PCDHA7: variants seen among roughly 807,000 people sequenced by gnomAD.
The protein encoded by PCDHA7 is protocadherin alpha-7.
Under a neutral mutation model 57.2 loss-of-function variants are expected in PCDHA7, and 37 were observed. That is an observed-to-expected ratio of 0.65 (90% CI 0.50 to 0.85). The LOEUF (loss-of-function observed/expected upper bound fraction) is 0.85, where lower values mean the gene tolerates loss of function less well. PCDHA7 is among the 40% of genes least tolerant of loss of function. PCDHA7 has a pLI of 0.00. For synonymous variants in PCDHA7, 553 were observed against 558.8 expected, an observed-to-expected ratio of 0.99 and a Z score of 0.15; for missense variants, 1,188 against 1,241.8, an observed-to-expected ratio of 0.96 and a Z score of 0.65.
At chr5:140,927,505 G>T (rs782722913) in intron 1 of PCDHA7, 1 of 1,614,120 alleles carries the variant, frequency 6.2e-7, no homozygotes, top group East Asian at 2.2e-5. Flanking sequence ...GGTGCTTACA[G>T]CTCGGGACGG....
intron 1 of PCDHA7, chr5:140,847,464 C>A (rs2150400845): frequency 6.7e-6 from 1 of 149,754 alleles, no homozygotes; most frequent in Non-Finnish European, 1.5e-5. Context: ...AATTAATCGA[C>A]TTGGACGTTG....
rs2153432469 is a variant in PCDHA7, at chr5:140,890,949, A to C, written c.2355+54211A>C. On this transcript the variant is annotated intron_variant, in intron 1 of 3. Transcript: ENST00000525929. The stretch of plus-strand genomic sequence containing the variant: ...CTTTAGTCCAAAGATGCTGGTGAGG[A>C]ATGATTTCAGGTTTTGTTTTTCTGA... 2.0e-5 allele frequency among the ~76,000 whole-genome samples: 3 copies of C among 152,248 alleles called. No individual in the cohort carries two copies. The South Asian group carries it at 6.2e-4, about 32-fold the overall frequency.
chr5:140,850,920 A>G (rs2150502262), intron 1 of PCDHA7: 1 of 1,526,818 alleles, frequency 6.5e-7, no homozygotes, highest in Non-Finnish European at 8.8e-7. Flanking sequence ...ATTTATTTAT[A>G]TAATTTTTTT....
chr5:140,856,338 G>T lies in PCDHA7; in HGVS notation c.2355+19600G>T, dbSNP rs781903292. The T allele has an allele frequency of 3.9e-5, 62 of 1,598,498 alleles. 11 individuals are homozygous for T. In the Admixed American group the frequency reaches 1.0e-3, roughly 27 times the overall value. On this transcript the variant is annotated intron_variant, in intron 1 of 3. Coordinates refer to ENST00000525929, the MANE Select transcript of PCDHA7 (RefSeq NM_018910.3). ...ATTGACCGCGAGGAGCTGTGCGGGC[G>T]GAGCGTGGAGTGCAGCATCCACCTG...
intron 1 of PCDHA7, chr5:140,884,480 A>T (rs782532542): frequency 7.4e-6 from 12 of 1,613,662 alleles, no homozygotes; most frequent in Non-Finnish European, 9.3e-6. Flanking sequence ...GGGCAAGCCC[A>T]CTCTAGTGTG....
At chr5:140,968,187 A>G in intron 1 of PCDHA7, 3 of 1,614,064 alleles carry the variant, frequency 1.9e-6, no homozygotes, top group Non-Finnish European at 2.5e-6. Context: ...GAGGACTCCT[A>G]TTCCATCTAC....
intron 1 of PCDHA7, among the ~76,000 whole-genome samples, chr5:140,933,667 C>A (rs2089323484): frequency 6.6e-6 from 1 of 151,936 alleles, no homozygotes. Flanking sequence ...CTCTCTCTGT[C>A]TCTCTCACAT....
At chr5:140,884,329 G>T (rs782258780) in intron 1 of PCDHA7, 1 of 1,613,760 alleles carries the variant, frequency 6.2e-7, no homozygotes, top group Non-Finnish European at 8.5e-7. Flanking sequence ...CAGGCGCTGT[G>T]GGTCCAGAAG....
chr5:140,858,263 T>C lies in PCDHA7; in HGVS notation c.2355+21525T>C, dbSNP rs781901851. ...TGGGCCGGTGAAGCCCACGCTGGTGTGCTCTAGCGCGGTGGGGAGCTGGTC... is the reference window on the plus strand; with the variant it reads ...TGGGCCGGTGAAGCCCACGCTGGTGCGCTCTAGCGCGGTGGGGAGCTGGTC... On this transcript the variant is annotated intron_variant, in intron 1 of 3. Transcript: ENST00000525929. 2.5e-6 allele frequency: 4 copies of C among 1,596,360 alleles called. No homozygotes were observed. The African/African-American group carries it at 4.0e-5, about 16-fold the overall frequency.
rs1371953272 is a variant in PCDHA7 at position 140,844,555 on chromosome 5, A to G, written c.2355+7817A>G. ...ATTCAACCCTTTGTTCATGAGTTGGAATATTTTCAATAATATTCCACATTA... is the reference window on the plus strand; with the variant it reads ...ATTCAACCCTTTGTTCATGAGTTGGGATATTTTCAATAATATTCCACATTA... On this transcript the variant is annotated intron_variant, in intron 1 of 3. Transcript: ENST00000525929. Among the ~76,000 whole-genome samples the G allele has an allele frequency of 6.7e-5, 10 of 149,520 alleles. 1 individual carries two copies. The Admixed American group carries it at 6.7e-4, about 10-fold the overall frequency.
At position 140,950,714 on chromosome 5, in the gene PCDHA7, TA is replaced by T. The variant is rs554168605; in HGVS notation, c.2356-28234del. On this transcript the variant is annotated intron_variant, in intron 1 of 3. Coordinates refer to ENST00000525929, the MANE Select transcript of PCDHA7 (RefSeq NM_018910.3). ...AAATTTGACAAATTTTTGTTCCTTA[TA>T]TCCTTAAATTTTTTAATCCTAATTT... Among the ~76,000 whole-genome samples the T allele has an allele frequency of 2.0e-3, 304 of 152,244 alleles. 4 individuals are homozygous for T. The highest frequency in any genetic ancestry group is 6.6e-3 in the African/African-American group (275 of 41,574).
At chr5:140,943,479 TAATA>T (rs1447671932) in intron 1 of PCDHA7, among the ~76,000 whole-genome samples, 1 of 151,960 alleles carries the variant, frequency 6.6e-6, no homozygotes, top group African/African-American at 2.4e-5. Context: ...TACAGTAAAA[TAATA>T]AATAGATGCT....
chr5:140,866,796 G>T (rs1360079320), intron 1 of PCDHA7: 1 of 152,128 alleles, frequency 6.6e-6, no homozygotes, highest in African/African-American at 2.4e-5. Flanking sequence ...TATAGTAAAA[G>T]TCAGGCACAA....
intron 1 of PCDHA7, among the ~76,000 whole-genome samples, chr5:140,935,583 C>T (rs1182817725): frequency 1.3e-5 from 2 of 152,168 alleles, no homozygotes; most frequent in Admixed American, 6.5e-5. Flanking sequence ...AGTTAAGCCA[C>T]CAGCTAGATA....
chr5:140,848,144 G>T, intron 1 of PCDHA7: 2 of 202,506 alleles, frequency 9.9e-6, no homozygotes, highest in Non-Finnish European at 1.0e-5. Flanking sequence ...ACTTTTAGAG[G>T]CAGTCAGTCT....
intron 3 of PCDHA7, among the ~76,000 whole-genome samples, chr5:140,993,102 C>T (rs979360910): frequency 2.6e-5 from 4 of 152,272 alleles, no homozygotes; most frequent in South Asian, 4.1e-4. Flanking sequence ...GTTTATTCAG[C>T]GGTCAGTGTC....
intron 1 of PCDHA7, among the ~76,000 whole-genome samples, chr5:140,892,640 T>C (rs1250881102): frequency 2.0e-5 from 3 of 152,208 alleles, no homozygotes; most frequent in Non-Finnish European, 4.4e-5. Flanking sequence ...ATTGTACATA[T>C]TTATAGGATA....
intron 1 of PCDHA7, among the ~76,000 whole-genome samples, chr5:140,900,906 G>C (rs2068354860): frequency 6.6e-6 from 1 of 152,096 alleles, no homozygotes; most frequent in African/African-American, 2.4e-5. Context: ...CATTTTAACT[G>C]TGGTAAGATG....
At chr5:140,985,129 G>T (rs545746675) in intron 3 of PCDHA7, among the ~76,000 whole-genome samples, 15 of 152,188 alleles carry the variant, frequency 9.9e-5, no homozygotes, top group Admixed American at 8.5e-4. Context: ...AGTAAAGACG[G>T]GGTTTCACCG....
Sources: gnomAD v4.1 joint callset for allele counts (sites outside exome capture counted in the v4.1 genomes callset) on GRCh38, gnomAD v4.1.1 for gene constraint, MANE v1.5 for transcripts, NCBI Gene and HGNC (gene_info 2026-07-23, HGNC 2026-07-21) for gene names.